The following FAM13A variants were observed in gnomAD, a reference collection of about 807,000 sequenced individuals.
FAM13A encodes protein FAM13A.
A neutral mutation model predicts 129.6 loss-of-function variants in FAM13A; 76 were observed. The observed-to-expected ratio is 0.59, with a 90% CI of 0.49 to 0.71. The LOEUF is 0.71. FAM13A is among the 30% of genes least tolerant of loss of function. FAM13A has a pLI of 0.00. For missense variants in FAM13A, 1,108 were observed against 1,249.3 expected, an observed-to-expected ratio of 0.89 and a Z score of 1.70; for synonymous variants, 443 against 449.9, an observed-to-expected ratio of 0.98 and a Z score of 0.20.
chr4:89,009,572 A>C (rs1765477089), intron 3 of FAM13A, among the ~76,000 whole-genome samples: 1 of 152,226 alleles, frequency 6.6e-6, no homozygotes, highest in Non-Finnish European at 1.5e-5. Flanking sequence ...ATTCCCAAGA[A>C]GGCAATTTTC....
intron 6 of FAM13A, among the ~76,000 whole-genome samples, chr4:88,854,650 G>A (rs1022136771): frequency 3.3e-5 from 5 of 152,292 alleles, no homozygotes; most frequent in Admixed American, 2.0e-4. Context: ...TTCTGCCACT[G>A]GCTATTTGAG....
chr4:88,994,187 C>T (rs1280608945), intron 3 of FAM13A, among the ~76,000 whole-genome samples: 1 of 152,118 alleles, frequency 6.6e-6, no homozygotes, highest in Non-Finnish European at 1.5e-5. Context: ...TCTACATCAG[C>T]GGCTTTGACA....
At chr4:88,807,398 G>A (rs535198505) in intron 7 of FAM13A, among the ~76,000 whole-genome samples, 1 of 152,226 alleles carries the variant, frequency 6.6e-6, no homozygotes, top group South Asian at 2.1e-4. Flanking sequence ...ATCTCAATTA[G>A]ATACTCACAA....
At chr4:88,784,491 C>G (rs886893756) in intron 10 of FAM13A, among the ~76,000 whole-genome samples, 6 of 151,864 alleles carry the variant, frequency 4.0e-5, no homozygotes, top group African/African-American at 1.5e-4. Flanking sequence ...GATCTCTGGA[C>G]CTCTCACTTT....
chr4:88,996,800 GGT>G (rs1207662598), intron 3 of FAM13A, among the ~76,000 whole-genome samples: 1 of 152,060 alleles, frequency 6.6e-6, no homozygotes, highest in Non-Finnish European at 1.5e-5. Flanking sequence ...TTTTAGAGTT[GGT>G]GGTTGAGTTT....
In FAM13A at chr4:88,760,592, A is replaced by G. The variant is rs1401710473; in HGVS notation, c.1579-1691T>C. On this transcript the variant is annotated intron_variant, in intron 13 of 23. Transcript: ENST00000264344. Reference sequence around the variant, plus strand: ...GCACTCCAGCCTGGGCGACAGAGCGAGACTCCGTCTCAAAAAAAAAAAAAA... The same window carrying G: ...GCACTCCAGCCTGGGCGACAGAGCGGGACTCCGTCTCAAAAAAAAAAAAAA... Among the ~76,000 whole-genome samples, 3 of 134,830 alleles carry G rather than the reference A, an allele frequency of 2.2e-5. 1 individual carries two copies. Among genetic ancestry groups the G allele is most frequent in the African/African-American group, 8.8e-5 (3 of 34,274 alleles). The allele number at this position is 134,830 out of a possible 152,430, so 88.5% of individuals were successfully genotyped here.
intron 5 of FAM13A, among the ~76,000 whole-genome samples, chr4:88,925,786 C>G (rs796467972): frequency 1.3e-5 from 2 of 150,638 alleles, no homozygotes; most frequent in Non-Finnish European, 3.0e-5. Context: ...GAAAAATTTA[C>G]AATGCAACGT....
intron 1 of FAM13A, among the ~76,000 whole-genome samples, chr4:89,033,136 A>ACACACT (rs1553927666): frequency 1.1e-3 from 162 of 149,972 alleles, no homozygotes; most frequent in African/African-American, 3.5e-3. Context: ...ACACACACAC[A>ACACACT]CTCTCTCTCT....
chr4:88,972,001 T>A (rs887338859), intron 4 of FAM13A, among the ~76,000 whole-genome samples: 1 of 152,212 alleles, frequency 6.6e-6, no homozygotes, highest in Non-Finnish European at 1.5e-5. Context: ...GCTTGTATCA[T>A]TTGTGTCATT....
chr4:88,916,377 T>G (rs901643973), intron 5 of FAM13A, among the ~76,000 whole-genome samples: 17 of 152,042 alleles, frequency 1.1e-4, no homozygotes, highest in African/African-American at 4.1e-4. Flanking sequence ...ATCTAACAAC[T>G]TTATCAAAAA....
chr4:88,914,489 G>A (rs1211985363), intron 5 of FAM13A, among the ~76,000 whole-genome samples: 2 of 151,990 alleles, frequency 1.3e-5, no homozygotes, highest in Admixed American at 6.6e-5. Flanking sequence ...GTCCCTTCCT[G>A]CCTTCCAGCA....
intron 6 of FAM13A, among the ~76,000 whole-genome samples, chr4:88,872,569 T>C (rs1385959144): frequency 3.3e-5 from 5 of 152,172 alleles, no homozygotes; most frequent in Admixed American, 3.3e-4. Context: ...AAGGGATCAA[T>C]TCAACAAGAA....
rs773764813 is a variant in FAM13A at position 88,961,347 on chromosome 4, C to CTTTT, written c.606-23110_606-23107dup. On this transcript the variant is annotated intron_variant, in intron 4 of 23. Transcript: ENST00000264344. Reference sequence around the variant, plus strand: ...AAATCCTCAGCTTTGTGGAATTTGCCTTTTTTTTTTTTTTTTTTTTTTTTT... The same window carrying CTTTT: ...AAATCCTCAGCTTTGTGGAATTTGCCTTTTTTTTTTTTTTTTTTTTTTTTTTTTT... 1.8e-4 allele frequency among the ~76,000 whole-genome samples: 10 copies of CTTTT among 55,442 alleles called. 2 individuals are homozygous for CTTTT. The highest frequency in any genetic ancestry group is 2.2e-4 in the African/African-American group (3 of 13,830). 36.4% of individuals were successfully genotyped at this position (55,442 alleles called of 152,430 possible).
chr4:88,816,334 G>T (rs1482324738), intron 7 of FAM13A, among the ~76,000 whole-genome samples: 1 of 152,166 alleles, frequency 6.6e-6, no homozygotes, highest in Admixed American at 6.6e-5. Flanking sequence ...AACTAAGGGT[G>T]AGTAAATTAC....
intron 4 of FAM13A, among the ~76,000 whole-genome samples, chr4:88,939,268 G>C (rs1754354161): frequency 6.6e-6 from 1 of 152,120 alleles, no homozygotes; most frequent in Non-Finnish European, 1.5e-5. Context: ...TCTGGTGGCT[G>C]CCAGCATTGC....
At chr4:89,029,890 A>G in intron 1 of FAM13A, 1 of 510,014 alleles carries the variant, frequency 2.0e-6, no homozygotes, top group East Asian at 3.9e-5. Flanking sequence ...TAAGAGAGGG[A>G]GCAATACACT....
chr4:88,878,145 C>CTG (rs1742892586), intron 6 of FAM13A, among the ~76,000 whole-genome samples: 1 of 151,846 alleles, frequency 6.6e-6, no homozygotes, highest in African/African-American at 2.4e-5. Flanking sequence ...AAAAAATTAG[C>CTG]CAGGCGTGGT....
intron 7 of FAM13A, among the ~76,000 whole-genome samples, chr4:88,827,749 A>G (rs1211488735): frequency 2.0e-5 from 3 of 152,180 alleles, no homozygotes; most frequent in Non-Finnish European, 4.4e-5. Context: ...TCTTAGGATA[A>G]CGTTCAAAAT....
At chr4:89,044,971 G>T (rs1487383888) in intron 1 of FAM13A, among the ~76,000 whole-genome samples, 2 of 152,064 alleles carry the variant, frequency 1.3e-5, no homozygotes, top group African/African-American at 4.8e-5. Context: ...TATGTTGGAG[G>T]TGATAAAAAG....
Sources: allele counts gnomAD v4.1 joint callset (sites outside exome capture counted in the v4.1 genomes callset), GRCh38; gene constraint gnomAD v4.1.1; transcripts MANE v1.5; gene names NCBI Gene and HGNC (gene_info 2026-07-23, HGNC 2026-07-21).